The following CABCOCO1 variants were observed in gnomAD, a reference collection of about 807,000 sequenced individuals.
The protein encoded by CABCOCO1 is ciliary associated calcium binding coiled-coil 1.
In CABCOCO1, 28 loss-of-function variants were observed where a neutral mutation model predicts 35.7. The observed-to-expected ratio is 0.78, with a 90% CI of 0.58 to 1.07. CABCOCO1 has a LOEUF of 1.07. Ranked by LOEUF, CABCOCO1 falls within the 50% of genes least tolerant of loss-of-function variation. The pLI, the probability that CABCOCO1 is intolerant of heterozygous loss-of-function variation, is 0.00. For synonymous variants in CABCOCO1, 95 were observed against 100.1 expected (o/e 0.95, Z 0.30); for missense variants, 326 against 309.2 (o/e 1.05, Z -0.41).
intron 1 of CABCOCO1, among the ~76,000 whole-genome samples, chr10:61,668,200 T>G (rs1839248737): frequency 6.6e-6 from 1 of 151,984 alleles, no homozygotes; most frequent in Admixed American, 6.6e-5. Flanking sequence ...TCTTATTTGG[T>G]CATAGGTATA....
intron 5 of CABCOCO1, among the ~76,000 whole-genome samples, chr10:61,705,136 G>C (rs1419210206): frequency 6.6e-6 from 1 of 152,168 alleles, no homozygotes; most frequent in Non-Finnish European, 1.5e-5. Flanking sequence ...AGTCTTTTGT[G>C]AGCAAGACTT....
At chr10:61,722,965 C>T (rs188689028) in intron 5 of CABCOCO1, among the ~76,000 whole-genome samples, 99 of 152,196 alleles carry the variant, frequency 6.5e-4, no homozygotes, top group Admixed American at 9.8e-4. Context: ...TTTAACAAGG[C>T]TAGATAAAGT....
chr10:61,663,118 A>G (rs71490861), intron 1 of CABCOCO1, 86 bp downstream of exon 1: 25,580 of 202,798 alleles, frequency 0.13, 1,988 homozygotes, highest in East Asian at 0.2. Flanking sequence ...GTCTGCGGCC[A>G]AGCCAAATCC....
intron 5 of CABCOCO1, among the ~76,000 whole-genome samples, chr10:61,703,503 A>G (rs1840515194): frequency 6.6e-6 from 1 of 152,200 alleles, no homozygotes; most frequent in Admixed American, 6.5e-5. Flanking sequence ...TAAGCAAAAT[A>G]CATTAAATAA....
chr10:61,701,778 A>G, intron 5 of CABCOCO1: 1 of 985,376 alleles, frequency 1.0e-6, no homozygotes, highest in Non-Finnish European at 1.2e-6. Context: ...AAATGTTGTC[A>G]AAGGAAAATA....
chr10:61,678,203 T>C (rs1348930945), intron 2 of CABCOCO1, among the ~76,000 whole-genome samples: 1 of 152,174 alleles, frequency 6.6e-6, no homozygotes, highest in Non-Finnish European at 1.5e-5. Context: ...CCCTCATATA[T>C]TGGGTCTGTT....
intron 5 of CABCOCO1, among the ~76,000 whole-genome samples, chr10:61,751,213 C>CT (rs57540074): frequency 0.15 from 16,017 of 106,442 alleles, 1,522 homozygotes; most frequent in Non-Finnish European, 0.19. Context: ...TTGCCTTGCT[C>CT]TTTTTTTTTT....
intron 5 of CABCOCO1, among the ~76,000 whole-genome samples, chr10:61,737,885 T>C (rs1475573889): frequency 6.6e-6 from 1 of 152,004 alleles, no homozygotes; most frequent in East Asian, 1.9e-4. Flanking sequence ...GATGTAATAA[T>C]ATGTACAACA....
intron 5 of CABCOCO1, among the ~76,000 whole-genome samples, chr10:61,713,200 T>A (rs1840774947): frequency 6.6e-6 from 1 of 152,132 alleles, no homozygotes; most frequent in Non-Finnish European, 1.5e-5. Context: ...GGTTTGTAGT[T>A]CTCCTTGAAG....
At chr10:61,756,763 G>A (rs1841905469) in intron 5 of CABCOCO1, among the ~76,000 whole-genome samples, 1 of 151,972 alleles carries the variant, frequency 6.6e-6, no homozygotes, top group Non-Finnish European at 1.5e-5. Flanking sequence ...GATTATGGGT[G>A]CTATTCTCAT....
chr10:61,690,700 T>C, intron 5 of CABCOCO1, 79 bp downstream of exon 5: 1 of 836,294 alleles, frequency 1.2e-6, no homozygotes, highest in East Asian at 2.6e-5. Context: ...CTTTAACTGC[T>C]TAAAGCAACT....
intron 4 of CABCOCO1, 87 bp downstream of exon 4, chr10:61,686,272 A>G: frequency 8.5e-7 from 1 of 1,170,452 alleles, no homozygotes; most frequent in Non-Finnish European, 1.2e-6. Flanking sequence ...AGTTTTTAGC[A>G]GATTCAGATA....
chr10:61,716,158 AT>A (rs1157452408), intron 5 of CABCOCO1, among the ~76,000 whole-genome samples: 8 of 152,134 alleles, frequency 5.3e-5, no homozygotes, highest in African/African-American at 1.2e-4. Context: ...TATTCAATAT[AT>A]TTTTTTCTGT....
intron 2 of CABCOCO1, among the ~76,000 whole-genome samples, chr10:61,679,712 T>C (rs143796724): frequency 1.3e-4 from 20 of 151,956 alleles, no homozygotes; most frequent in Admixed American, 1.2e-3. Context: ...TCCAGGACAC[T>C]GCAAGAAAAA....
chr10:61,702,908 A>C lies in CABCOCO1; in HGVS notation c.552+12287A>C, dbSNP rs190115224. Among the ~76,000 whole-genome samples, 9 of 152,014 alleles carry C rather than the reference A, an allele frequency of 5.9e-5. No individual in the cohort carries two copies. The East Asian group carries it at 1.7e-3, about 29-fold the overall frequency. On this transcript the variant is annotated intron_variant, in intron 5 of 7. Coordinates refer to ENST00000648843, the MANE Select transcript of CABCOCO1 (RefSeq NM_001366906.2). ...CAGCACCATTGACATTATAGGAGTG[A>C]AGAGGAGAAAAAAAAAACAGGAAAA...
intron 1 of CABCOCO1, among the ~76,000 whole-genome samples, chr10:61,667,768 T>C (rs1223053923): frequency 6.6e-6 from 1 of 151,912 alleles, no homozygotes; most frequent in Non-Finnish European, 1.5e-5. Context: ...TTTTTGTTAG[T>C]ACAATGTCCA....
intron 7 of CABCOCO1, among the ~76,000 whole-genome samples, chr10:61,761,873 C>T (rs1242113390): frequency 6.6e-6 from 1 of 152,040 alleles, no homozygotes; most frequent in African/African-American, 2.4e-5. Context: ...CTTGTTTAAT[C>T]ATCAAATGTT....
intron 5 of CABCOCO1, among the ~76,000 whole-genome samples, chr10:61,698,116 C>T (rs897315301): frequency 2.0e-5 from 3 of 151,978 alleles, no homozygotes; most frequent in African/African-American, 7.2e-5. Context: ...AGGTTATATC[C>T]TATGTATGCA....
rs1031576439 is a variant in CABCOCO1, at chr10:61,720,691, G to GT, written c.552+30070_552+30071insT. On this transcript the variant is annotated intron_variant, in intron 5 of 7. Coordinates refer to ENST00000648843, the MANE Select transcript of CABCOCO1 (RefSeq NM_001366906.2). ...GAAAGAAACACTACATCATGTGGTG[G>GT]GGGGGCAGGTAATGAGGACAAAACC... is the stretch of plus-strand genomic sequence containing the variant. 8.6e-5 allele frequency among the ~76,000 whole-genome samples: 13 copies of GT among 151,816 alleles called. No homozygotes were observed. In the East Asian group the frequency reaches 1.7e-3, roughly 20 times the overall value.
Sources: gnomAD v4.1 joint callset for allele counts (sites outside exome capture counted in the v4.1 genomes callset) on GRCh38, gnomAD v4.1.1 for gene constraint, MANE v1.5 for transcripts, NCBI Gene and HGNC (gene_info 2026-07-23, HGNC 2026-07-21) for gene names.